The following DOCK1 variants were observed in gnomAD, a reference collection of about 807,000 sequenced individuals.
DOCK1 encodes dedicator of cytokinesis 1, also known as dedicator of cytokinesis protein 1.
In DOCK1, 138 loss-of-function variants were observed where a neutral mutation model predicts 262.7. That is an observed-to-expected ratio of 0.53 (90% confidence interval 0.46 to 0.61). The LOEUF is 0.61. DOCK1 is among the 20% of genes least tolerant of loss of function. The pLI is 0.00. For synonymous variants in DOCK1, 866 were observed against 867.4 expected (o/e 1.00, Z 0.03); for missense variants, 1,908 against 2,370.7 (o/e 0.80, Z 4.05).
intron 21 of DOCK1, among the ~76,000 whole-genome samples, chr10:127,048,084 T>C (rs543010107): frequency 6.6e-6 from 1 of 152,216 alleles, no homozygotes; most frequent in Non-Finnish European, 1.5e-5. Flanking sequence ...TGTAAGATAT[T>C]GCGAGACAGT....
At chr10:127,284,676 C>A (rs561327034) in intron 29 of DOCK1, among the ~76,000 whole-genome samples, 1 of 152,274 alleles carries the variant, frequency 6.6e-6, no homozygotes, top group East Asian at 1.9e-4. Context: ...CACTTGAGGG[C>A]AGGATTTCGA....
chr10:127,194,417 T>A (rs994881497), intron 27 of DOCK1, among the ~76,000 whole-genome samples: 1 of 152,152 alleles, frequency 6.6e-6, no homozygotes, highest in Non-Finnish European at 1.5e-5. Flanking sequence ...TGCAAAAAAA[T>A]TGCAAAGATA....
chr10:127,257,695 C>T, intron 29 of DOCK1: 1 of 322,556 alleles, frequency 3.1e-6, no homozygotes, highest in Non-Finnish European at 5.9e-6. Flanking sequence ...CCCTAGCTGT[C>T]ATCATGGGCA....
chr10:126,982,902 A>G (rs1240788467), intron 4 of DOCK1, among the ~76,000 whole-genome samples: 1 of 152,250 alleles, frequency 6.6e-6, no homozygotes, highest in Non-Finnish European at 1.5e-5. Context: ...TGTACTTTAT[A>G]TCTGCATTAG....
intron 23 of DOCK1, among the ~76,000 whole-genome samples, chr10:127,067,606 G>A (rs2045954967): frequency 6.6e-6 from 1 of 151,950 alleles, no homozygotes. Flanking sequence ...TCCCTGTGAT[G>A]CATTCTGGCA....
In DOCK1 at chr10:127,252,007, G is replaced by A. The variant is rs2059665354; in HGVS notation, c.2949+3898G>A. Among the ~76,000 whole-genome samples the A allele has an allele frequency of 3.3e-5, 5 of 152,026 alleles. No individual in the cohort carries two copies. The South Asian group carries it at 1.0e-3, about 32-fold the overall frequency. On this transcript the variant is annotated intron_variant, in intron 28 of 51. Transcript: ENST00000623213. Reference sequence around the variant, plus strand: ...ACTAGTTTACAGTCCCACCAACAGTGTAAAAGTGTTCCTATTTCTCCACAT... The same window carrying A: ...ACTAGTTTACAGTCCCACCAACAGTATAAAAGTGTTCCTATTTCTCCACAT...
intron 29 of DOCK1, among the ~76,000 whole-genome samples, chr10:127,307,907 C>T (rs1480784992): frequency 1.3e-5 from 2 of 152,210 alleles, no homozygotes; most frequent in African/African-American, 4.8e-5. Flanking sequence ...AGAATGAGTT[C>T]TGTGGGGAGG....
At chr10:127,256,274 CT>C (rs1415688457) in intron 28 of DOCK1, among the ~76,000 whole-genome samples, 1 of 152,210 alleles carries the variant, frequency 6.6e-6, no homozygotes, top group African/African-American at 2.4e-5. Context: ...ACTTGTGCCT[CT>C]TTGCAGGAGC....
intron 27 of DOCK1, among the ~76,000 whole-genome samples, chr10:127,170,148 A>G (rs186522679): frequency 4.7e-4 from 71 of 152,172 alleles, no homozygotes; most frequent in Non-Finnish European, 5.6e-4. Flanking sequence ...GGGAGGTGAT[A>G]AATGACTGGG....
intron 27 of DOCK1, among the ~76,000 whole-genome samples, chr10:127,222,865 T>G (rs2058493195): frequency 7.3e-6 from 1 of 136,696 alleles, no homozygotes; most frequent in Admixed American, 7.4e-5. Flanking sequence ...TTTGTGGAGA[T>G]TAGGTCTCAC....
intron 27 of DOCK1, among the ~76,000 whole-genome samples, chr10:127,164,106 C>T (rs1295890979): frequency 2.1e-5 from 3 of 143,416 alleles, no homozygotes; most frequent in East Asian, 4.4e-4. Flanking sequence ...GTCAGCCGGG[C>T]TCCCTCTCCT....
chr10:127,287,727 A>G (rs1394530455), intron 29 of DOCK1, among the ~76,000 whole-genome samples: 1 of 148,276 alleles, frequency 6.7e-6, no homozygotes, highest in African/African-American at 2.5e-5. Flanking sequence ...TGTTCTTCCC[A>G]TTGCATCACA....
chr10:127,018,519 C>A, intron 12 of DOCK1, 191 bp from the exon 13 acceptor site: 1 of 747,434 alleles, frequency 1.3e-6, no homozygotes, highest in Non-Finnish European at 2.1e-6. Context: ...GGCATCCCAG[C>A]TCGTTGGATG....
At chr10:127,355,182 A>C (rs531056400) in intron 32 of DOCK1, among the ~76,000 whole-genome samples, 1 of 106,166 alleles carries the variant, frequency 9.4e-6, no homozygotes, top group Admixed American at 8.9e-5. Flanking sequence ...CCTGCACTCA[A>C]AGCAGTGAAG....
At chr10:127,084,643 A>G (rs2047092188) in intron 23 of DOCK1, among the ~76,000 whole-genome samples, 2 of 152,148 alleles carry the variant, frequency 1.3e-5, no homozygotes, top group South Asian at 4.1e-4. Context: ...ACTTTGCTAT[A>G]CCTTTCTAAC....
intron 27 of DOCK1, among the ~76,000 whole-genome samples, chr10:127,181,614 C>G (rs935701971): frequency 4.6e-5 from 7 of 152,146 alleles, no homozygotes; most frequent in Non-Finnish European, 8.8e-5. Flanking sequence ...ACCTTGGAGT[C>G]AAAGATGCTG....
intron 1 of DOCK1, among the ~76,000 whole-genome samples, chr10:126,937,513 G>GTTTTTTTTTTTT (rs1252931098): frequency 6.9e-6 from 1 of 145,074 alleles, no homozygotes; most frequent in Non-Finnish European, 1.5e-5. Flanking sequence ...GTTATTTTCT[G>GTTTTTTTTTTTT]TTTTTTTTTT....
chr10:127,216,914 G>GTCACACTGCCTGTCACAACTGGCAT (rs1479273933), intron 27 of DOCK1, among the ~76,000 whole-genome samples: 4 of 152,186 alleles, frequency 2.6e-5, no homozygotes, highest in Admixed American at 2.6e-4. Flanking sequence ...CGTGGGCAGT[G>GTCACACTGCCTGTCACAACTGGCAT]CATGGGGCCT....
In DOCK1 at chr10:127,042,588, G is replaced by C. The variant is rs757736533; in HGVS notation, c.2011-37G>C. Reference sequence around the variant, plus strand: ...TCCAGTGTGTGGGGGAAGTCCGGTGGGTTCACATTGTCACCCGACCTTCTG... The same window carrying C: ...TCCAGTGTGTGGGGGAAGTCCGGTGCGTTCACATTGTCACCCGACCTTCTG... On this transcript the variant is annotated intron_variant, in intron 19 of 51. Coordinates refer to ENST00000623213, the MANE Select transcript of DOCK1 (RefSeq NM_001290223.2). 5.0e-6 allele frequency: 8 copies of C among 1,584,162 alleles called. No individual in the cohort carries two copies. The East Asian group carries it at 1.6e-4, about 31-fold the overall frequency.
Sources: allele counts gnomAD v4.1 joint callset (sites outside exome capture counted in the v4.1 genomes callset), GRCh38; gene constraint gnomAD v4.1.1; transcripts MANE v1.5; gene names NCBI Gene and HGNC (gene_info 2026-07-23, HGNC 2026-07-21).